RBAK: variants seen among roughly 807,000 people sequenced by gnomAD.
RBAK encodes the protein RB-associated KRAB zinc finger protein.
RBAK carries 39 observed loss-of-function variants against 65.8 expected under a neutral mutation model. That is an observed-to-expected ratio of 0.59 (90% confidence interval 0.46 to 0.77). The LOEUF (loss-of-function observed/expected upper bound fraction) is 0.77. Among genes scored for constraint, RBAK ranks in the 30% least tolerant of loss-of-function variants. The pLI, the probability that RBAK is intolerant of heterozygous loss-of-function variation, is 0.00. For missense variants in RBAK, 884 were observed against 855.1 expected (o/e 1.03, Z -0.42); for synonymous variants, 343 against 289.7 (o/e 1.18, Z -1.87).
At position 5,065,387 on chromosome 7, in the gene RBAK, G is replaced by A; in HGVS notation, c.1931G>A (p.Ser644Asn). 6.2e-7 allele frequency: 1 copy of A among 1,611,478 alleles called. No homozygotes were observed. The highest frequency in any genetic ancestry group is 8.5e-7 in the Non-Finnish European group (1 of 1,179,044). Residue 644 changes from serine to asparagine, a missense_variant, in exon 5 of 5, where the codon AGC becomes AAC. By Grantham distance (46) the Ser-to-Asn change is conservative. Transcript: ENST00000396912. This position sits in a 1 kb window ranked among gnomAD's most constrained non-coding sequence, Gnocchi z 5.3. ...RMSNLTVHYRSHSGEKPYECN... is the reference protein window; with the variant it reads ...RMSNLTVHYRNHSGEKPYECN... Reference sequence around the variant, plus strand: ...TCAAACCTCACTGTCCACTACAGAAGCCATTCAGGAGAGAAACCCTATGAA... The same window carrying A: ...TCAAACCTCACTGTCCACTACAGAAACCATTCAGGAGAGAAACCCTATGAA...
rs756026179 is a variant in RBAK, at chr7:5,065,055, A to G, written c.1599A>G (p.Pro533=). Residue 533 remains proline (P), a synonymous_variant, in exon 5 of 5, where the codon CCA becomes CCG. Transcript: ENST00000396912. The surrounding 1 kb of genome is among the most constrained non-coding windows in gnomAD (Gnocchi z 5.3). Reference sequence around the variant, plus strand: ...CCTTCGATGGGCACCAGCCACTTCCAAAAGGGGAGAAATCCTATGAATGTA... The same window carrying G: ...CCTTCGATGGGCACCAGCCACTTCCGAAAGGGGAGAAATCCTATGAATGTA... ...NSAFDGHQPL[P]KGEKSYECNV... is the part of the protein sequence containing the mutation. 2 of 1,613,668 alleles carry G rather than the reference A, an allele frequency of 1.2e-6. No individual in the cohort carries two copies. The highest frequency in any genetic ancestry group is 1.7e-6 in the Non-Finnish European group (2 of 1,179,860).
At chr7:5,052,495 CT>C (rs1472365115) in intron 2 of RBAK, among the ~76,000 whole-genome samples, 1 of 152,006 alleles carries the variant, frequency 6.6e-6, no homozygotes, top group Non-Finnish European at 1.5e-5. Flanking sequence ...TACTTTATAT[CT>C]TTTGTTGAGT....
Position 5,065,336 on chromosome 7 carries a change from A to G in RBAK, c.1880A>G (p.Lys627Arg). The stretch of plus-strand genomic sequence containing the variant: ...GGAGAGAAACCCTATGAATGTAGTA[A>G]ATGTGGAAAAGTCTTCTCTCGGATG... Reference protein sequence around the residue: ...HSGEKPYECSKCGKVFSRMSN... With the variant: ...HSGEKPYECSRCGKVFSRMSN... Residue 627 changes from lysine (K) to arginine (R), a missense_variant, in exon 5 of 5, where the codon AAA becomes AGA. Lys to Arg is a conservative substitution (Grantham distance 26). Coordinates refer to ENST00000396912, the MANE Select transcript of RBAK (RefSeq NM_021163.4). The surrounding 1 kb of genome is among the most constrained non-coding windows in gnomAD (Gnocchi z 5.3). 6.2e-7 allele frequency: 1 copy of G among 1,613,852 alleles called. No individual in the cohort carries two copies. Among genetic ancestry groups the G allele is most frequent in the East Asian group, 2.2e-5 (1 of 44,854 alleles).
At position 5,067,412 on chromosome 7, in the gene RBAK, G is replaced by C. The variant is rs746161976; in HGVS notation, c.*1811G>C. The C allele has an allele frequency of 6.6e-6, 1 of 152,136 alleles. No individual in the cohort carries two copies. Among genetic ancestry groups the C allele is most frequent in the Non-Finnish European group, 1.5e-5 (1 of 68,014 alleles). 9.4% of individuals were successfully genotyped at this position (152,136 alleles called of 1,614,324 possible). A position where few individuals can be genotyped will look rare whatever the true frequency, so the allele number is the denominator to read the frequency against. On this transcript the variant is annotated 3_prime_UTR_variant, in exon 5 of 5. Coordinates refer to ENST00000396912, the MANE Select transcript of RBAK (RefSeq NM_021163.4). ...CAATGCCACTTCAAAGATCCCTCAA[G>C]TGCCTAGAGGGAGAAAATGAGTTAA...
At chr7:5,060,484 A>G (rs1779043564) in intron 4 of RBAK, among the ~76,000 whole-genome samples, 1 of 152,266 alleles carries the variant, frequency 6.6e-6, no homozygotes, top group South Asian at 2.1e-4. Context: ...CACATGGATA[A>G]TTTATACTCC....
At chr7:5,053,668 T>C (rs1788163653) in intron 2 of RBAK, among the ~76,000 whole-genome samples, 1 of 152,252 alleles carries the variant, frequency 6.6e-6, no homozygotes, top group African/African-American at 2.4e-5. Flanking sequence ...CTTTTTTCTC[T>C]GTTTCATTTT....
intron 4 of RBAK, among the ~76,000 whole-genome samples, chr7:5,060,597 G>A (rs1183799705): frequency 2.0e-5 from 3 of 152,212 alleles, no homozygotes; most frequent in Non-Finnish European, 4.4e-5. Flanking sequence ...TTCCCCCAAA[G>A]TATAGATAGA....
rs974231761 is a variant in RBAK at position 5,048,241 on chromosome 7, C to T, written c.15+150C>T. 5.5e-5 allele frequency: 53 copies of T among 963,908 alleles called. 1 individual carries two copies. The highest frequency in any genetic ancestry group is 6.8e-5 in the Non-Finnish European group (46 of 675,348). The allele number at this position is 963,908 out of a possible 1,614,324, so 59.7% of individuals were successfully genotyped here. On this transcript the variant is annotated intron_variant, in intron 2 of 4. Transcript: ENST00000396912. The surrounding 1 kb of genome is among the most constrained non-coding windows in gnomAD (Gnocchi z 4.4). ...AGGCTGGAGTGCAGTGGCATGATCTCGCTTCACTGCAACCTCCACCTCCTG... is the reference window on the plus strand; with the variant it reads ...AGGCTGGAGTGCAGTGGCATGATCTTGCTTCACTGCAACCTCCACCTCCTG...
At chr7:5,049,659 T>C (rs1356119692) in intron 2 of RBAK, among the ~76,000 whole-genome samples, 1 of 152,198 alleles carries the variant, frequency 6.6e-6, no homozygotes, top group African/African-American at 2.4e-5. Flanking sequence ...TTTAAAAAGA[T>C]TCGTCTGTAA....
intron 4 of RBAK, among the ~76,000 whole-genome samples, chr7:5,060,304 T>C (rs1187712833): frequency 6.6e-6 from 1 of 152,198 alleles, no homozygotes; most frequent in Admixed American, 6.5e-5. Flanking sequence ...CCACAGATTC[T>C]GATAAAACAG....
intron 2 of RBAK, among the ~76,000 whole-genome samples, chr7:5,050,278 C>T (rs375806612): frequency 1.2e-4 from 18 of 152,268 alleles, no homozygotes; most frequent in African/African-American, 4.3e-4. Context: ...GTTGGTTATC[C>T]TCAGTTTGGA....
chr7:5,046,724 C>G (rs1013099395), intron 1 of RBAK, among the ~76,000 whole-genome samples: 2 of 152,214 alleles, frequency 1.3e-5, no homozygotes, highest in African/African-American at 4.8e-5. Flanking sequence ...TCTGTTCTCT[C>G]ATTTAAGTGT....
rs771375993 is a variant in RBAK, at chr7:5,057,693, C to A, written c.152C>A (p.Thr51Asn). 1 of 1,613,738 alleles carries A rather than the reference C, an allele frequency of 6.2e-7. No individual in the cohort carries two copies. The highest frequency in any genetic ancestry group is 1.3e-5 in the African/African-American group (1 of 74,872). ...CTTTTCCCATTAACAGGATATGATA[C>A]CACCAAGCCAAACGTCATCATTAAG... ...YSHLVSVGYD[T>N]TKPNVIIKLE... Residue 51 changes from threonine (T) to asparagine (N), a missense_variant, in exon 4 of 5, where the codon ACC becomes AAC. Thr to Asn is a moderately conservative substitution (Grantham distance 65, BLOSUM62 0). Coordinates refer to ENST00000396912, the MANE Select transcript of RBAK (RefSeq NM_021163.4).
intron 2 of RBAK, among the ~76,000 whole-genome samples, chr7:5,053,659 T>G (rs567970600): frequency 3.9e-5 from 6 of 152,376 alleles, no homozygotes; most frequent in African/African-American, 1.4e-4. Context: ...CTTTTAATTC[T>G]TTTTTCTCTG....
rs1220606286 is a variant in RBAK at position 5,064,071 on chromosome 7, T to C, written c.615T>C (p.Phe205=). 6.2e-7 allele frequency: 1 copy of C among 1,613,848 alleles called. No homozygotes were observed. Among genetic ancestry groups the C allele is most frequent in the South Asian group, 1.1e-5 (1 of 91,060 alleles). ...AAATTAGTATTTTGGAGAAACCCTT[T>C]GAATATAATGAATGCATGGAAGCCT... ...LQKISILEKP[F]EYNECMEALD... Residue 205 remains phenylalanine (F), a synonymous_variant, in exon 5 of 5, where the codon TTT becomes TTC. Coordinates refer to ENST00000396912, the MANE Select transcript of RBAK (RefSeq NM_021163.4). This position sits in a 1 kb window ranked among gnomAD's most constrained non-coding sequence, Gnocchi z 6.3.
chr7:5,047,672 C>T (rs1788024560), intron 1 of RBAK, among the ~76,000 whole-genome samples: 1 of 135,020 alleles, frequency 7.4e-6, no homozygotes, highest in South Asian at 2.4e-4. Context: ...AGTGTGGTCT[C>T]GGCTCACTGC....
rs570817252 is a variant in RBAK, at chr7:5,062,609, G to C, written c.239-1086G>C. Among the ~76,000 whole-genome samples, 11 of 152,174 alleles carry C rather than the reference G, an allele frequency of 7.2e-5. 1 individual carries two copies. Among genetic ancestry groups the C allele is most frequent in the Admixed American group, 6.5e-4 (10 of 15,274 alleles). On this transcript the variant is annotated intron_variant, in intron 4 of 4. Transcript: ENST00000396912. Reference sequence around the variant, plus strand: ...ACATCTTATCAGGAGACAGGGTTTCGAGAGCAACCGGTCTGACCAAAATTT... The same window carrying C: ...ACATCTTATCAGGAGACAGGGTTTCCAGAGCAACCGGTCTGACCAAAATTT...
Position 5,064,742 on chromosome 7 carries a change from A to G in RBAK, c.1286A>G (p.Tyr429Cys), listed in dbSNP as rs1411602332. 1.2e-6 allele frequency: 2 copies of G among 1,614,000 alleles called. No individual in the cohort carries two copies. Among genetic ancestry groups the G allele is most frequent in the East Asian group, 2.2e-5 (1 of 44,890 alleles). The change falls in exon 5 of 5, where the codon TAT (tyrosine) becomes TGT (cysteine). Residue 429 changes from tyrosine (Y) to cysteine (C), a missense_variant. Transcript: ENST00000396912. This position sits in a 1 kb window ranked among gnomAD's most constrained non-coding sequence, Gnocchi z 6.3. ...HQRTHTGEKP[Y>C]QCSECGKFFS... is the part of the protein sequence containing the mutation. ...AGAACACACACGGGAGAGAAGCCCT[A>G]TCAGTGTAGCGAGTGTGGGAAATTC...
chr7:5,050,636 G>A (rs55661236), intron 2 of RBAK, among the ~76,000 whole-genome samples: 20,283 of 152,052 alleles, frequency 0.13, 1,636 homozygotes, highest in Non-Finnish European at 0.18. Context: ...CCAGGCTGTC[G>A]TGTTTACGGC....
Sources: gnomAD v4.1 joint callset for allele counts (sites outside exome capture counted in the v4.1 genomes callset) on GRCh38, gnomAD v4.1.1 for gene constraint, Gnocchi (gnomAD v3.1) non-coding constraint, MANE v1.5 for transcripts, NCBI Gene and HGNC (gene_info 2026-07-23, HGNC 2026-07-21) for gene names.